Variants in RBM47 observed in about 807,000 individuals in gnomAD.
RBM47 encodes the protein RNA-binding protein 47.
In RBM47, 21 loss-of-function variants were observed where a neutral mutation model predicts 47.1. The ratio of observed to expected loss-of-function variants is 0.45; its 90% confidence interval spans 0.32 to 0.64. RBM47 has a LOEUF of 0.64. RBM47 is among the 30% of genes least tolerant of loss of function. RBM47 has a pLI of 0.05. For synonymous variants in RBM47, 375 were observed against 361.7 expected (o/e 1.04, Z -0.42); for missense variants, 708 against 870.9 (o/e 0.81, Z 2.35).
rs35048399 is a variant in RBM47 at position 40,537,277 on chromosome 4, A to ATTTT, written c.-155+7141_-155+7144dup. ...CAGGGATGCACCACCATGCCCAGCT[A>ATTTT]TTTTTTTTTTCTTAAGACAGCATCT... On this transcript the variant is annotated intron_variant, in intron 2 of 6. Transcript: ENST00000295971. 5.2e-3 allele frequency among the ~76,000 whole-genome samples: 773 copies of ATTTT among 149,098 alleles called. 6 individuals carry two copies. Among genetic ancestry groups the ATTTT allele is most frequent in the African/African-American group, 0.019 (749 of 40,470 alleles).
At chr4:40,592,716 G>A (rs1183346705) in intron 1 of RBM47, among the ~76,000 whole-genome samples, 8 of 149,468 alleles carry the variant, frequency 5.4e-5, no homozygotes, top group African/African-American at 7.4e-5. Flanking sequence ...GAGCCACCGC[G>A]CCTGGCCAAC....
At chr4:40,460,212 C>T (rs1716896808) in intron 3 of RBM47, among the ~76,000 whole-genome samples, 1 of 133,522 alleles carries the variant, frequency 7.5e-6, no homozygotes, top group Non-Finnish European at 1.7e-5. Context: ...ATTTCCATCA[C>T]TGTTTTTTTT....
chr4:40,447,211 G>C (rs1714664473), intron 3 of RBM47, among the ~76,000 whole-genome samples: 1 of 152,132 alleles, frequency 6.6e-6, no homozygotes, highest in African/African-American at 2.4e-5. Flanking sequence ...AAGGCTGCTA[G>C]CATTAAATAA....
At chr4:40,606,350 T>C (rs559924462) in intron 1 of RBM47, among the ~76,000 whole-genome samples, 23 of 151,576 alleles carry the variant, frequency 1.5e-4, no homozygotes, top group Admixed American at 2.6e-4. Flanking sequence ...CTGGGAAATG[T>C]GGTCTCGGTA....
intron 1 of RBM47, among the ~76,000 whole-genome samples, chr4:40,583,685 C>T (rs1245029579): frequency 1.3e-5 from 2 of 151,170 alleles, no homozygotes; most frequent in African/African-American, 4.9e-5. Flanking sequence ...GGTGAAACCC[C>T]GTCTCTACTA....
intron 1 of RBM47, among the ~76,000 whole-genome samples, chr4:40,612,509 CTCTG>C (rs1246821304): frequency 6.6e-6 from 1 of 152,182 alleles, no homozygotes; most frequent in Non-Finnish European, 1.5e-5. Context: ...GAGAGCCAGA[CTCTG>C]TCTCTCAAAA....
intron 1 of RBM47, among the ~76,000 whole-genome samples, chr4:40,575,539 C>T (rs1408470486): frequency 4.1e-5 from 4 of 97,972 alleles, no homozygotes; most frequent in Admixed American, 3.5e-4. Context: ...GCAACAAGAG[C>T]GAAACTCCAT....
At chr4:40,480,789 A>C (rs1720278472) in intron 2 of RBM47, among the ~76,000 whole-genome samples, 1 of 152,202 alleles carries the variant, frequency 6.6e-6, no homozygotes, top group Admixed American at 6.5e-5. Flanking sequence ...TAAGCTAAGT[A>C]ATTATTAGTA....
At chr4:40,437,697 C>G in intron 4 of RBM47, 74 bp downstream of exon 4, 1 of 1,426,704 alleles carries the variant, frequency 7.0e-7, no homozygotes, top group East Asian at 2.3e-5. Flanking sequence ...ATGCCAGCCA[C>G]GGTATCCCTG....
chr4:40,581,575 T>C (rs1008252351), intron 1 of RBM47, among the ~76,000 whole-genome samples: 4 of 151,966 alleles, frequency 2.6e-5, no homozygotes, highest in African/African-American at 9.7e-5. Context: ...GGAGGAAGAC[T>C]TCTTCCAGGT....
At chr4:40,620,526 T>C (rs1199565588) in intron 1 of RBM47, among the ~76,000 whole-genome samples, 2 of 152,086 alleles carry the variant, frequency 1.3e-5, no homozygotes, top group Non-Finnish European at 2.9e-5. Context: ...AAAAAGTCTG[T>C]ATCTGGGCAA....
At chr4:40,449,747 C>T (rs1715119286) in intron 3 of RBM47, among the ~76,000 whole-genome samples, 1 of 152,146 alleles carries the variant, frequency 6.6e-6, no homozygotes, top group South Asian at 2.1e-4. Context: ...GGCGCCATCT[C>T]AGCTCACTGA....
intron 1 of RBM47, among the ~76,000 whole-genome samples, chr4:40,544,926 C>T (rs1032947735): frequency 2.6e-5 from 4 of 152,038 alleles, no homozygotes; most frequent in Non-Finnish European, 5.9e-5. Context: ...TTAAAATTAG[C>T]TGGGCGCCCA....
intron 2 of RBM47, among the ~76,000 whole-genome samples, chr4:40,480,797 G>A (rs1720280345): frequency 6.6e-6 from 1 of 152,106 alleles, no homozygotes; most frequent in African/African-American, 2.4e-5. Flanking sequence ...GTAATTATTA[G>A]TATTTACCTA....
At chr4:40,476,029 C>T (rs1228777032) in intron 2 of RBM47, among the ~76,000 whole-genome samples, 1 of 152,132 alleles carries the variant, frequency 6.6e-6, no homozygotes, top group Non-Finnish European at 1.5e-5. Context: ...GGACATTTAA[C>T]AGAAATATTT....
intron 2 of RBM47, chr4:40,543,141 A>C (rs1166194326): frequency 6.6e-6 from 1 of 152,224 alleles, no homozygotes; most frequent in East Asian, 1.9e-4. Context: ...AGTCTGTCTC[A>C]ATCAGGCAAA....
At chr4:40,561,087 A>C (rs142886778) in intron 1 of RBM47, among the ~76,000 whole-genome samples, 1 of 152,152 alleles carries the variant, frequency 6.6e-6, no homozygotes, top group Non-Finnish European at 1.5e-5. Flanking sequence ...TTACCTCCCA[A>C]CAATCAAGCC....
chr4:40,536,352 T>A (rs1727979497), intron 2 of RBM47, among the ~76,000 whole-genome samples: 3 of 152,320 alleles, frequency 2.0e-5, no homozygotes, highest in Middle Eastern at 3.4e-3. Flanking sequence ...GGAGACCTTG[T>A]TCTTGGAAAC....
chr4:40,429,960 T>C (rs1408695937), intron 6 of RBM47, among the ~76,000 whole-genome samples: 6 of 151,776 alleles, frequency 4.0e-5, no homozygotes, highest in Non-Finnish European at 5.9e-5. Context: ...TTTGGGAGGC[T>C]GAGGAGGGCG....
Sources: gnomAD v4.1 joint callset for allele counts (sites outside exome capture counted in the v4.1 genomes callset) on GRCh38, gnomAD v4.1.1 for gene constraint, MANE v1.5 for transcripts, NCBI Gene and HGNC (gene_info 2026-07-23, HGNC 2026-07-21) for gene names.